The following RPS19BP1 variants were observed in gnomAD, a reference collection of about 807,000 sequenced individuals.
The protein encoded by RPS19BP1 is active regulator of SIRT1.
Under a neutral mutation model 16.6 loss-of-function variants are expected in RPS19BP1, and 14 were observed. That is an observed-to-expected ratio of 0.84 (90% CI 0.56 to 1.32). The LOEUF (loss-of-function observed/expected upper bound fraction) is 1.32. Among genes scored for constraint, RPS19BP1 ranks in the 40% most tolerant of loss-of-function variants. RPS19BP1 has a pLI of 0.00. For synonymous variants in RPS19BP1, 90 were observed against 77.3 expected (o/e 1.16, Z -0.86); for missense variants, 188 against 178.6 (o/e 1.05, Z -0.30).
At chr22:39,530,470 T>C (rs1931279036) in intron 2 of RPS19BP1, 2 of 253,064 alleles carry the variant, frequency 7.9e-6, no homozygotes, top group Non-Finnish European at 1.6e-5. Context: ...ACACCTGTAA[T>C]CTCAGCACTT....
chr22:39,529,414 G>C lies in RPS19BP1; in HGVS notation c.*78C>G, dbSNP rs1931243028. 6.4e-7 allele frequency: 1 copy of C among 1,568,852 alleles called. No homozygotes were observed. Among genetic ancestry groups the C allele is most frequent in the East Asian group, 2.3e-5 (1 of 43,590 alleles). On this transcript the variant is annotated 3_prime_UTR_variant, in exon 4 of 4. Coordinates refer to ENST00000334678, the MANE Select transcript of RPS19BP1 (RefSeq NM_194326.4). ...TGCATCGCCATCTGCTGGCCGCGCG[G>C]CACGGCCGGTTCCTGGAGCCAGCAG...
At chr22:39,532,663 C>A (rs1310034872) in intron 1 of RPS19BP1, 24 bp downstream of exon 1, 1 of 1,560,392 alleles carries the variant, frequency 6.4e-7, no homozygotes, top group Admixed American at 1.9e-5. Flanking sequence ...CCGCGCCGGA[C>A]GTCCCCTGGC....
rs1931260955 is a variant in RPS19BP1, at chr22:39,529,889, G to A, written c.210C>T (p.Asp70=). 1 of 1,614,068 alleles carries A rather than the reference G, an allele frequency of 6.2e-7. No individual in the cohort carries two copies. The highest frequency in any genetic ancestry group is 1.3e-5 in the African/African-American group (1 of 74,934). ...GAAACTTCAGGTTTACTCTGAGGTG[G>A]TCTCGACACTCTCGCTTCCGGTACT... ...LDEYRKRECR[D]HLRVNLKFLT... Residue 70 remains aspartate (D), a synonymous_variant, in exon 3 of 4, where the codon GAC becomes GAT. Transcript: ENST00000334678.
chr22:39,530,982 G>T (rs1931297530), intron 2 of RPS19BP1: 1 of 152,298 alleles, frequency 6.6e-6, no homozygotes, highest in African/African-American at 2.4e-5. Context: ...TGGAAGGCAG[G>T]AGACCGGCTA....
chr22:39,530,039 G>C, intron 2 of RPS19BP1, 122 bp from the exon 3 acceptor site: 5 of 757,606 alleles, frequency 6.6e-6, no homozygotes, highest in East Asian at 2.7e-5. Context: ...ACAGCGGCTG[G>C]GCTCTTCTCC....
At chr22:39,529,700 G>C (rs1931254533) in intron 3 of RPS19BP1, 77 bp from the exon 4 acceptor site, 1 of 1,598,670 alleles carries the variant, frequency 6.3e-7, no homozygotes, top group African/African-American at 1.3e-5. Flanking sequence ...GGAGTTCGGC[G>C]CAGGGCAGGG....
Position 39,529,105 on chromosome 22 carries a change from A to G in RPS19BP1, c.*387T>C, listed in dbSNP as rs1417985213. ...CAGCAAACACAGCTCTTGGGTTCAC[A>G]TTTATTGTAACTTGGAAGCCCACCC... On this transcript the variant is annotated 3_prime_UTR_variant, in exon 4 of 4. Transcript: ENST00000334678. 3 of 255,674 alleles carry G rather than the reference A, an allele frequency of 1.2e-5. No individual in the cohort carries two copies. Among genetic ancestry groups the G allele is most frequent in the African/African-American group, 6.9e-5 (3 of 43,314 alleles). 15.8% of individuals were successfully genotyped at this position (255,674 alleles called of 1,614,324 possible). A position where few individuals can be genotyped will look rare whatever the true frequency, so the allele number is the denominator to read the frequency against.
In RPS19BP1 at chr22:39,532,464, TCCGGGG is replaced by T; in HGVS notation, c.106_111del (p.Pro36_Arg37del). 6.2e-7 allele frequency: 1 copy of T among 1,614,224 alleles called. No homozygotes were observed. The highest frequency in any genetic ancestry group is 8.5e-7 in the Non-Finnish European group (1 of 1,180,034). On this transcript the variant is annotated inframe_deletion, in exon 2 of 4. Coordinates refer to ENST00000334678, the MANE Select transcript of RPS19BP1 (RefSeq NM_194326.4). ...TTCTGGGCCTGAATTGCCTTCGTCT[TCCGGGG>T]CCGTTTCACCGGAGCCCCTCTCGGC...
Position 39,532,537 on chromosome 22 carries a change from GAGA to G in RPS19BP1, c.53-17_53-15del. 1 of 1,613,540 alleles carries G rather than the reference GAGA, an allele frequency of 6.2e-7. No homozygotes were observed. The highest frequency in any genetic ancestry group is 1.7e-4 in the Middle Eastern group (1 of 6,028). On this transcript the variant is annotated splice_polypyrimidine_tract_variant and intron_variant, in intron 1 of 3. Coordinates refer to ENST00000334678, the MANE Select transcript of RPS19BP1 (RefSeq NM_194326.4). ...GGTCCCGGGGGGCTGTAGGGGAAGA[GAGA>G]GGAAGAGACCCAGGTCAGAGGGCGC...
In RPS19BP1 at chr22:39,532,717, G is replaced by C; in HGVS notation, c.22C>G (p.Arg8Gly). Residue 8 changes from arginine (R) to glycine (G), a missense_variant, in exon 1 of 4, where the codon CGG becomes GGG. Transcript: ENST00000334678. The part of the protein sequence containing the change: MSAALLR[R>G]GLELLAASEA... ...GACGCCGCCAGCAGCTCCAGGCCCC[G>C]CCGCAGCAGGGCGGCGGACATGGCG... 1 of 1,544,466 alleles carries C rather than the reference G, an allele frequency of 6.5e-7. No homozygotes were observed.
At chr22:39,529,666 G>C (rs751196457) in intron 3 of RPS19BP1, 43 bp from the exon 4 acceptor site, 8 of 1,609,784 alleles carry the variant, frequency 5.0e-6, no homozygotes, top group Non-Finnish European at 6.8e-6. Context: ...TTCAAGAGCA[G>C]AGGAGGCCCG....
intron 3 of RPS19BP1, 42 bp downstream of exon 3, chr22:39,529,778 C>A (rs923466379): frequency 2.5e-6 from 4 of 1,601,966 alleles, no homozygotes; most frequent in Non-Finnish European, 3.4e-6. Flanking sequence ...ACAGCCTCGG[C>A]TCTCACCTCC....
chr22:39,529,811 T>A lies in RPS19BP1; in HGVS notation c.279+9A>T. The A allele has an allele frequency of 6.2e-7, 1 of 1,613,760 alleles. No homozygotes were observed. Among genetic ancestry groups the A allele is most frequent in the Non-Finnish European group, 8.5e-7 (1 of 1,179,746 alleles). ...TCCCAGGTCCCTTCCTATAGTACCC[T>A]CGACCAACCTGCTGGCTCACAGACT... On this transcript the variant is annotated intron_variant, in intron 3 of 3. Transcript: ENST00000334678.
chr22:39,530,107 C>G, intron 2 of RPS19BP1, 190 bp from the exon 3 acceptor site: 1 of 602,952 alleles, frequency 1.7e-6, no homozygotes, highest in Non-Finnish European at 2.9e-6. Flanking sequence ...GGCCCCCACC[C>G]CCATTTTCCA....
Position 39,532,380 on chromosome 22 carries a change from C to A in RPS19BP1, c.181+15G>T. The A allele has an allele frequency of 6.2e-7, 1 of 1,614,114 alleles. No homozygotes were observed. Among genetic ancestry groups the A allele is most frequent in the East Asian group, 2.2e-5 (1 of 44,882 alleles). On this transcript the variant is annotated intron_variant, in intron 2 of 3. Coordinates refer to ENST00000334678, the MANE Select transcript of RPS19BP1 (RefSeq NM_194326.4). ...AGCACCGGAGGCAGCACTTTCAGCC[C>A]CTTCCCGAACTTACCCAGTGCCGAC...
intron 2 of RPS19BP1, chr22:39,532,169 T>G: frequency 3.6e-6 from 2 of 556,616 alleles, no homozygotes; most frequent in Non-Finnish European, 6.3e-6. Context: ...CACACTGGGT[T>G]TGATATTCTT....
chr22:39,532,626 C>T (rs2054988146), intron 1 of RPS19BP1, 61 bp downstream of exon 1: 2 of 1,593,152 alleles, frequency 1.3e-6, no homozygotes, highest in Admixed American at 1.7e-5. Flanking sequence ...CCAGGGCTCC[C>T]GCCCGCAGCC....
At chr22:39,532,250 A>G in intron 2 of RPS19BP1, 145 bp downstream of exon 2, 1 of 1,138,424 alleles carries the variant, frequency 8.8e-7, no homozygotes, top group South Asian at 1.5e-5. Context: ...TCACCTTCGT[A>G]TGTCCAGGGC....
chr22:39,529,776 G>T (rs1202007758), intron 3 of RPS19BP1, 44 bp downstream of exon 3: 9 of 1,602,532 alleles, frequency 5.6e-6, no homozygotes, highest in Non-Finnish European at 7.7e-6. Context: ...GAACAGCCTC[G>T]GCTCTCACCT....
Sources: allele counts gnomAD v4.1 joint callset, GRCh38; gene constraint gnomAD v4.1.1; transcripts MANE v1.5; gene names NCBI Gene and HGNC (gene_info 2026-07-23, HGNC 2026-07-21).